KRT6B: variants seen among roughly 807,000 people sequenced by gnomAD.
The protein encoded by KRT6B is keratin, type II cytoskeletal 6B.
A neutral mutation model predicts 44.7 loss-of-function variants in KRT6B; 29 were observed. The observed-to-expected ratio is 0.65, with a 90% CI of 0.48 to 0.88. The LOEUF (loss-of-function observed/expected upper bound fraction) is 0.88, where lower values mean the gene tolerates loss of function less well. Among genes scored for constraint, KRT6B ranks in the 40% least tolerant of loss-of-function variants. The pLI is 0.00. For missense variants in KRT6B, 600 were observed against 724.0 expected, an observed-to-expected ratio of 0.83 and a Z score of 1.97; for synonymous variants, 213 against 296.0, an observed-to-expected ratio of 0.72 and a Z score of 2.88.
In KRT6B at chr12:52,452,046, G is replaced by C. The variant is rs1192635915; in HGVS notation, c.33C>G (p.His11Gln). The change falls in exon 1 of 9, where the codon CAC becomes CAG. Residue 11 changes from histidine to glutamine, a missense_variant. By Grantham distance (24) the His-to-Gln change is conservative (BLOSUM62 0). Around this residue, in one of 4 missense-constraint regions of KRT6B, gnomAD observed 78 missense variants for 97.5 expected, o/e 0.80. Coordinates refer to ENST00000252252, the MANE Select transcript of KRT6B (RefSeq NM_005555.4). MASTSTTIRS[H>Q]SSSRRGFSAN... The stretch of plus-strand genomic sequence containing the variant: ...CACTGAAACCCCGGCGGCTGCTGCT[G>C]TGGCTCCTGATGGTGGTGGATGTGC... The C allele has an allele frequency of 1.2e-6, 2 of 1,614,160 alleles. No homozygotes were observed. Among genetic ancestry groups the C allele is most frequent in the Non-Finnish European group, 1.7e-6 (2 of 1,180,026 alleles).
At position 52,450,455 on chromosome 12, in the gene KRT6B, C is replaced by G; in HGVS notation, c.706G>C (p.Asp236His). Residue 236 changes from aspartate to histidine, a missense_variant, in exon 2 of 9, where the codon GAC becomes CAC. Asp to His is a moderately conservative substitution (Grantham distance 81). Transcript: ENST00000252252. ...TCCTGCATGTTTCTCAGCTCCGAGT[C>G]CAGACGACCCCGTTCCCCCACGATG... ...DNIVGERGRLDSELRNMQDLV... is the reference protein window; with the variant it reads ...DNIVGERGRLHSELRNMQDLV... 1 of 1,614,148 alleles carries G rather than the reference C, an allele frequency of 6.2e-7. No homozygotes were observed. The highest frequency in any genetic ancestry group is 8.5e-7 in the Non-Finnish European group (1 of 1,180,046).
At position 52,447,804 on chromosome 12, in the gene KRT6B, G is replaced by A. The variant is rs1172688711; in HGVS notation, c.1398C>T (p.Arg466=). ...LALDVEIATY[R]KLLEGEECRL... Reference sequence around the variant, plus strand: ...TGCACTCCTCGCCCTCCAGCAGCTTGCGGTAGGTGGCGATCTCCACATCCA... The same window carrying A: ...TGCACTCCTCGCCCTCCAGCAGCTTACGGTAGGTGGCGATCTCCACATCCA... Residue 466 remains arginine (R), a synonymous_variant, in exon 7 of 9, where the codon CGC becomes CGT. Transcript: ENST00000252252. The A allele has an allele frequency of 6.2e-7, 1 of 1,614,074 alleles. No homozygotes were observed. The highest frequency in any genetic ancestry group is 8.5e-7 in the Non-Finnish European group (1 of 1,180,034).
rs1012821832 is a variant in KRT6B at position 52,452,140 on chromosome 12, G to A, written c.-62C>T. 6.2e-7 allele frequency: 1 copy of A among 1,611,426 alleles called. No individual in the cohort carries two copies. Among genetic ancestry groups the A allele is most frequent in the Non-Finnish European group, 8.5e-7 (1 of 1,178,884 alleles). On this transcript the variant is annotated 5_prime_UTR_variant, in exon 1 of 9. Coordinates refer to ENST00000252252, the MANE Select transcript of KRT6B (RefSeq NM_005555.4). ...AGGCTGGAGGCGAGAGGGAGGAGAA[G>A]CAGGACGAGGAATCGGACTCCAGTA...
chr12:52,447,163 G>C lies in KRT6B; in HGVS notation c.*27C>G. The C allele has an allele frequency of 1.9e-6, 3 of 1,613,418 alleles. No homozygotes were observed. Among genetic ancestry groups the C allele is most frequent in the South Asian group, 1.1e-5 (1 of 91,030 alleles). ...GCTGCCAGAGAGGGGCCTGAGAGCTGTGGGACTGAGAGCTGGCGGCAGCAC... is the reference window on the plus strand; with the variant it reads ...GCTGCCAGAGAGGGGCCTGAGAGCTCTGGGACTGAGAGCTGGCGGCAGCAC... On this transcript the variant is annotated 3_prime_UTR_variant, in exon 9 of 9. Coordinates refer to ENST00000252252, the MANE Select transcript of KRT6B (RefSeq NM_005555.4).
Position 52,449,063 on chromosome 12 carries a change from C to A in KRT6B, c.1078-96G>T, listed in dbSNP as rs1014836546. The A allele has an allele frequency of 8.5e-6, 13 of 1,527,164 alleles. No individual in the cohort carries two copies. In the Admixed American group the frequency reaches 2.3e-4, roughly 27 times the overall value. The allele number at this position is 1,527,164 out of a possible 1,614,324, so 94.6% of individuals were successfully genotyped here. On this transcript the variant is annotated intron_variant, in intron 5 of 8. Coordinates refer to ENST00000252252, the MANE Select transcript of KRT6B (RefSeq NM_005555.4). ...GTATCATGAATGTCATGAAGTGGAC[C>A]TAATGGCTTCTCCCCAAGAAACTTG... is the stretch of plus-strand genomic sequence containing the variant.
At chr12:52,451,439 C>G (rs991010489) in intron 1 of KRT6B, 100 bp downstream of exon 1, 1 of 1,609,624 alleles carries the variant, frequency 6.2e-7, no homozygotes, top group African/African-American at 1.3e-5. Flanking sequence ...TGGGCTGAGT[C>G]CCCTTCTCCC....
intron 7 of KRT6B, 50 bp from the exon 8 acceptor site, chr12:52,447,623 G>A: frequency 6.2e-7 from 1 of 1,614,026 alleles, no homozygotes; most frequent in Non-Finnish European, 8.5e-7. Flanking sequence ...ACGAGCATGG[G>A]AAGCCTCAGT....
At position 52,448,795 on chromosome 12, in the gene KRT6B, C is replaced by G. The variant is rs762492971; in HGVS notation, c.1203+47G>C. 2.5e-6 allele frequency: 4 copies of G among 1,613,844 alleles called. No homozygotes were observed. In the South Asian group the frequency reaches 4.4e-5, roughly 18 times the overall value. On this transcript the variant is annotated intron_variant, in intron 6 of 8. Transcript: ENST00000252252. The stretch of plus-strand genomic sequence containing the variant: ...TGATGGGTGACTACTGCCTCATGAC[C>G]TAATAAAAAAAATGATGCTTTTCTC...
chr12:52,448,827 T>C lies in KRT6B; in HGVS notation c.1203+15A>G, dbSNP rs1160368025. 2 of 1,614,054 alleles carry C rather than the reference T, an allele frequency of 1.2e-6. No homozygotes were observed. Among genetic ancestry groups the C allele is most frequent in the Admixed American group, 1.7e-5 (1 of 59,996 alleles). On this transcript the variant is annotated intron_variant, in intron 6 of 8. Coordinates refer to ENST00000252252, the MANE Select transcript of KRT6B (RefSeq NM_005555.4). The stretch of plus-strand genomic sequence containing the variant: ...AAAAAATGATGCTTTTCTCCTCCAT[T>C]GCCCCTCACCATACCTGCTTCTTGA...
Position 52,450,510 on chromosome 12 carries a change from G to A in KRT6B, c.651C>T (p.Tyr217=), listed in dbSNP as rs766622037. ...CCAGCTGCCTCCTGAGGTTGTTGAT[G>A]TACTGCTCGAACAACGGCTCCAGGT... ...RQNLEPLFEQ[Y]INNLRRQLDN... is the part of the protein sequence containing the mutation. Residue 217 remains tyrosine (Y), a synonymous_variant, in exon 2 of 9, where the codon TAC becomes TAT. Coordinates refer to ENST00000252252, the MANE Select transcript of KRT6B (RefSeq NM_005555.4). The A allele has an allele frequency of 3.7e-6, 6 of 1,614,244 alleles. No homozygotes were observed. The East Asian group carries it at 8.9e-5, about 24-fold the overall frequency.
At chr12:52,450,884 CT>C (rs893212868) in intron 1 of KRT6B, among the ~76,000 whole-genome samples, 39 of 152,356 alleles carry the variant, frequency 2.6e-4, no homozygotes, top group African/African-American at 9.1e-4. Context: ...TTCTTCTTTT[CT>C]TTTTCCAAGC....
Position 52,450,473 on chromosome 12 carries a change from C to G in KRT6B, c.688G>C (p.Gly230Arg). The change falls in exon 2 of 9, where the codon GGG becomes CGG. Residue 230 changes from glycine to arginine, a missense_variant. Gly to Arg is a moderately radical substitution (Grantham distance 125). This residue lies in a region of KRT6B where 479 missense variants were observed against 454.2 expected (regional missense o/e 1.05). Coordinates refer to ENST00000252252, the MANE Select transcript of KRT6B (RefSeq NM_005555.4). The stretch of plus-strand genomic sequence containing the variant: ...TCCGAGTCCAGACGACCCCGTTCCC[C>G]CACGATGTTGTCCAGCTGCCTCCTG... ...NLRRQLDNIV[G>R]ERGRLDSELR... The G allele has an allele frequency of 6.2e-7, 1 of 1,614,222 alleles. No individual in the cohort carries two copies.
chr12:52,449,647 G>A lies in KRT6B; in HGVS notation c.913-14C>T. The A allele has an allele frequency of 6.2e-7, 1 of 1,614,224 alleles. No individual in the cohort carries two copies. Among genetic ancestry groups the A allele is most frequent in the Non-Finnish European group, 8.5e-7 (1 of 1,180,052 alleles). On this transcript the variant is annotated splice_polypyrimidine_tract_variant and intron_variant, in intron 4 of 8. Coordinates refer to ENST00000252252, the MANE Select transcript of KRT6B (RefSeq NM_005555.4). ...CTGGGACAGCTCCTGCAGAACAGAA[G>A]GTCATAAGATCAACTTCACTTCTGA...
intron 8 of KRT6B, 43 bp downstream of exon 8, chr12:52,447,496 G>A (rs777236147): frequency 1.5e-5 from 24 of 1,613,914 alleles, no homozygotes; most frequent in South Asian, 2.2e-5. Flanking sequence ...GCCCAGTCAG[G>A]AGAGTGCAAG....
At chr12:52,447,466 A>T (rs1414929896) in intron 8 of KRT6B, 41 bp from the exon 9 acceptor site, 1 of 1,614,008 alleles carries the variant, frequency 6.2e-7, no homozygotes, top group South Asian at 1.1e-5. Flanking sequence ...AGCCACAATG[A>T]GTTCATCCTG....
chr12:52,450,672 T>G, intron 1 of KRT6B, 52 bp from the exon 2 acceptor site: 1 of 1,613,716 alleles, frequency 6.2e-7, no homozygotes, highest in Non-Finnish European at 8.5e-7. Context: ...GCAGAGAAAG[T>G]GTCTGGTATC....
Position 52,450,489 on chromosome 12 carries a change from C to T in KRT6B, c.672G>A (p.Gln224=). The stretch of plus-strand genomic sequence containing the variant: ...CCCGTTCCCCCACGATGTTGTCCAG[C>T]TGCCTCCTGAGGTTGTTGATGTACT... ...FEQYINNLRR[Q]LDNIVGERGR... Residue 224 remains glutamine, a synonymous_variant, in exon 2 of 9, where the codon CAG becomes CAA. Coordinates refer to ENST00000252252, the MANE Select transcript of KRT6B (RefSeq NM_005555.4). 1 of 1,614,256 alleles carries T rather than the reference C, an allele frequency of 6.2e-7. No homozygotes were observed. The highest frequency in any genetic ancestry group is 8.5e-7 in the Non-Finnish European group (1 of 1,180,058).
intron 1 of KRT6B, 57 bp from the exon 2 acceptor site, chr12:52,450,677 G>C (rs1940389429): frequency 3.1e-6 from 5 of 1,613,402 alleles, no homozygotes; most frequent in Non-Finnish European, 4.2e-6. Context: ...GAAAGTGTCT[G>C]GTATCCAGTT....
chr12:52,447,059 G>T lies in KRT6B; in HGVS notation c.*131C>A. ...AACAGGTATTGATGAGAAGAAAAGTGAGGGCATCCCAGCTCTACCCGGGAG... is the reference window on the plus strand; with the variant it reads ...AACAGGTATTGATGAGAAGAAAAGTTAGGGCATCCCAGCTCTACCCGGGAG... On this transcript the variant is annotated 3_prime_UTR_variant, in exon 9 of 9. Coordinates refer to ENST00000252252, the MANE Select transcript of KRT6B (RefSeq NM_005555.4). 1.8e-6 allele frequency: 2 copies of T among 1,141,162 alleles called. No homozygotes were observed. Among genetic ancestry groups the T allele is most frequent in the African/African-American group, 1.6e-5 (1 of 64,328 alleles). 70.7% of individuals were successfully genotyped at this position (1,141,162 alleles called of 1,614,324 possible).
Sources: allele counts gnomAD v4.1 joint callset (sites outside exome capture counted in the v4.1 genomes callset), GRCh38; gene constraint gnomAD v4.1.1; regional missense constraint gnomAD v4.1.1; transcripts MANE v1.5; gene names NCBI Gene and HGNC (gene_info 2026-07-23, HGNC 2026-07-21).